CST9L: variants seen among roughly 807,000 people sequenced by gnomAD.
The protein encoded by CST9L is cystatin-9-like.
In CST9L, 17 loss-of-function variants were observed where a neutral mutation model predicts 13.2. The observed-to-expected ratio is 1.29, with a 90% CI of 0.88 to 1.93. CST9L has a LOEUF of 1.93. Among genes scored for constraint, CST9L ranks in the 30% most tolerant of loss-of-function variants. The pLI is 0.00. For missense variants in CST9L, 170 were observed against 170.5 expected (o/e 1.00, Z 0.02); for synonymous variants, 78 against 69.1 (o/e 1.13, Z -0.64).
chr20:23,566,158 T>G, intron 1 of CST9L, 71 bp from the exon 2 acceptor site: 1 of 889,452 alleles, frequency 1.1e-6, no homozygotes, highest in Non-Finnish European at 1.9e-6. Flanking sequence ...GGTGAAGATG[T>G]CATTTGTGTA....
chr20:23,565,797 G>C (rs1350498050), intron 2 of CST9L, among the ~76,000 whole-genome samples, 177 bp downstream of exon 2: 2 of 152,184 alleles, frequency 1.3e-5, no homozygotes, highest in African/African-American at 4.8e-5. Context: ...GCCTGCAAGT[G>C]GACCCCTAGC....
Position 23,568,223 on chromosome 20 carries a change from G to T in CST9L, c.228C>A (p.Ser76=). The T allele has an allele frequency of 6.2e-7, 1 of 1,614,180 alleles. No individual in the cohort carries two copies. Among genetic ancestry groups the T allele is most frequent in the Admixed American group, 1.7e-5 (1 of 60,030 alleles). The change falls in exon 1 of 3, where the codon TCC becomes TCA. Residue 76 remains serine (S), a synonymous_variant. Coordinates refer to ENST00000376979, the MANE Select transcript of CST9L (RefSeq NM_080610.3). ...CGTGGTCACCAACCTGCTCCTTCCA[G>T]GAATTCAAGATGTGCCCCAGTCTGT... The part of the protein sequence containing the change: ...YAYRLGHILN[S]WKEQVESKTV...
intron 1 of CST9L, 86 bp downstream of exon 1, chr20:23,568,125 T>TA (rs1989123538): frequency 7.1e-6 from 10 of 1,410,850 alleles, no homozygotes; most frequent in Non-Finnish European, 8.9e-6. Context: ...GACTCTTCAA[T>TA]AAGACCCCCT....
intron 2 of CST9L, 61 bp from the exon 3 acceptor site, chr20:23,565,098 A>C: frequency 5.8e-6 from 7 of 1,197,430 alleles, no homozygotes; most frequent in African/African-American, 1.5e-5. Context: ...CTCATGGCTC[A>C]AGCTCTGAAC....
rs546472123 is a variant in CST9L at position 23,566,472 on chromosome 20, G to T, written c.241-385C>A. On this transcript the variant is annotated intron_variant, in intron 1 of 2. Transcript: ENST00000376979. ...TAACCTCAGCCCTGGGACAGAGGGA[G>T]CCTCATCTAGGGCATGTTGTCAAAC... 5.9e-5 allele frequency among the ~76,000 whole-genome samples: 9 copies of T among 152,274 alleles called. 1 individual carries two copies. In the South Asian group the frequency reaches 1.9e-3, roughly 32 times the overall value.
chr20:23,568,375 T>A lies in CST9L; in HGVS notation c.76A>T (p.Ile26Phe). 6.2e-7 allele frequency: 1 copy of A among 1,614,202 alleles called. No individual in the cohort carries two copies. The highest frequency in any genetic ancestry group is 1.1e-5 in the South Asian group (1 of 91,082). Residue 26 changes from isoleucine (I) to phenylalanine (F), a missense_variant, in exon 1 of 3, where the codon ATC becomes TTC. Coordinates refer to ENST00000376979, the MANE Select transcript of CST9L (RefSeq NM_080610.3). ...LLLLGSQILL[I>F]YAWHFHEQRD... ...TGCTCGTGGAAATGCCAGGCATAGA[T>A]CAGCAGGATCTGGGAGCCTAAGAGA... is the stretch of plus-strand genomic sequence containing the variant.
At chr20:23,566,888 AAAAG>A (rs562207826) in intron 1 of CST9L, among the ~76,000 whole-genome samples, 12 of 152,130 alleles carry the variant, frequency 7.9e-5, no homozygotes, top group South Asian at 2.1e-4. Flanking sequence ...ACTCCATATC[AAAAG>A]AAAGAAAGAA....
At chr20:23,565,348 C>T (rs982488111) in intron 2 of CST9L, among the ~76,000 whole-genome samples, 6 of 152,176 alleles carry the variant, frequency 3.9e-5, no homozygotes, top group Non-Finnish European at 8.8e-5. Flanking sequence ...CAGGAGAATG[C>T]ATTGTCCCAG....
chr20:23,568,482 C>T lies in CST9L; in HGVS notation c.-32G>A, dbSNP rs202225003. 2,506 of 1,605,902 alleles carry T rather than the reference C, an allele frequency of 1.6e-3. 6 individuals carry two copies. Among genetic ancestry groups the T allele is most frequent in the Non-Finnish European group, 1.9e-3 (2,221 of 1,175,834 alleles). The stretch of plus-strand genomic sequence containing the variant: ...GACTGTAGGCACCGCTGACTTTGCT[C>T]TTCCCAGCCCCCGTGCCCACAGGAG... On this transcript the variant is annotated 5_prime_UTR_variant, in exon 1 of 3. Coordinates refer to ENST00000376979, the MANE Select transcript of CST9L (RefSeq NM_080610.3).
At chr20:23,566,844 T>C (rs943999481) in intron 1 of CST9L, among the ~76,000 whole-genome samples, 2 of 152,084 alleles carry the variant, frequency 1.3e-5, no homozygotes, top group Non-Finnish European at 2.9e-5. Flanking sequence ...GCTGAGATTG[T>C]GCCATTGCAC....
chr20:23,566,703 G>A lies in CST9L; in HGVS notation c.241-616C>T, dbSNP rs1989101019. 2.0e-5 allele frequency among the ~76,000 whole-genome samples: 3 copies of A among 152,010 alleles called. No homozygotes were observed. In the South Asian group the frequency reaches 6.2e-4, roughly 32 times the overall value. The stretch of plus-strand genomic sequence containing the variant: ...GTTCGAGACCAGCCTGGCCAACATG[G>A]TGAAAACCCATCTCTACTAAAAATA... On this transcript the variant is annotated intron_variant, in intron 1 of 2. Transcript: ENST00000376979.
rs1403495839 is a variant in CST9L at position 23,568,197 on chromosome 20, A to G, written c.240+14T>C. On this transcript the variant is annotated intron_variant, in intron 1 of 2. Coordinates refer to ENST00000376979, the MANE Select transcript of CST9L (RefSeq NM_080610.3). ...ATGCCAGATGCCAGGGCAGGAGGGT[A>G]CGTGGTCACCAACCTGCTCCTTCCA... 10 of 1,614,076 alleles carry G rather than the reference A, an allele frequency of 6.2e-6. No individual in the cohort carries two copies. Among genetic ancestry groups the G allele is most frequent in the Non-Finnish European group, 7.6e-6 (9 of 1,179,930 alleles).
chr20:23,565,785 G>A (rs74537411), intron 2 of CST9L, among the ~76,000 whole-genome samples, 189 bp downstream of exon 2: 3,028 of 152,270 alleles, frequency 0.02, 101 homozygotes, highest in African/African-American at 0.068. Flanking sequence ...GATTGGCCAG[G>A]AGCCTGCAAG....
intron 1 of CST9L, among the ~76,000 whole-genome samples, chr20:23,566,743 G>A (rs1347488364): frequency 6.6e-6 from 1 of 152,096 alleles, no homozygotes; most frequent in African/African-American, 2.4e-5. Flanking sequence ...AGTTAGCTGG[G>A]CATGGTGGCA....
At chr20:23,565,137 C>T in intron 2 of CST9L, 100 bp from the exon 3 acceptor site, 4 of 854,200 alleles carry the variant, frequency 4.7e-6, no homozygotes, top group Non-Finnish European at 8.0e-6. Context: ...TTGCCCTTTC[C>T]CAGGTCAAGC....
At chr20:23,566,724 A>G (rs1468841249) in intron 1 of CST9L, among the ~76,000 whole-genome samples, 1 of 151,862 alleles carries the variant, frequency 6.6e-6, no homozygotes, top group African/African-American at 2.4e-5. Context: ...TCTCTACTAA[A>G]AATACAAAAG....
In CST9L at chr20:23,568,459, C is replaced by G. The variant is rs1199255251; in HGVS notation, c.-9G>C. On this transcript the variant is annotated 5_prime_UTR_variant, in exon 1 of 3. Coordinates refer to ENST00000376979, the MANE Select transcript of CST9L (RefSeq NM_080610.3). ...CACGGCAGGCCCAGCATGGTGCTGA[C>G]TGTAGGCACCGCTGACTTTGCTCTT... 2 of 1,612,366 alleles carry G rather than the reference C, an allele frequency of 1.2e-6. No individual in the cohort carries two copies. Among genetic ancestry groups the G allele is most frequent in the South Asian group, 1.1e-5 (1 of 90,742 alleles).
At chr20:23,568,089 A>G in intron 1 of CST9L, 122 bp downstream of exon 1, 1 of 925,180 alleles carries the variant, frequency 1.1e-6, no homozygotes, top group Non-Finnish European at 1.6e-6. Flanking sequence ...GTATTTTCTT[A>G]AGTATGGACT....
intron 2 of CST9L, 134 bp from the exon 3 acceptor site, chr20:23,565,171 T>A (rs1158801681): frequency 1.5e-6 from 1 of 687,994 alleles, no homozygotes; most frequent in Non-Finnish European, 2.6e-6. Flanking sequence ...GGCCTCTGGC[T>A]ATCATGTGCT....
Sources: gnomAD v4.1 joint callset for allele counts (sites outside exome capture counted in the v4.1 genomes callset) on GRCh38, gnomAD v4.1.1 for gene constraint, MANE v1.5 for transcripts, NCBI Gene and HGNC (gene_info 2026-07-23, HGNC 2026-07-21) for gene names.